CEP112: variants seen among roughly 807,000 people sequenced by gnomAD.
CEP112 encodes the protein centrosomal protein of 112 kDa.
In CEP112, 127 loss-of-function variants were observed where a neutral mutation model predicts 153.0. The observed-to-expected ratio is 0.83, with a 90% CI of 0.72 to 0.96. The LOEUF is 0.96. Among genes scored for constraint, CEP112 ranks in the 40% least tolerant of loss-of-function variants. The pLI, the probability that CEP112 is intolerant of heterozygous loss-of-function variation, is 0.00. For synonymous variants in CEP112, 358 were observed against 374.4 expected, an observed-to-expected ratio of 0.96 and a Z score of 0.51; for missense variants, 1,089 against 1,101.2, an observed-to-expected ratio of 0.99 and a Z score of 0.16.
chr17:65,798,890 T>G (rs183341159), intron 21 of CEP112, among the ~76,000 whole-genome samples: 15 of 152,260 alleles, frequency 9.9e-5, no homozygotes, highest in African/African-American at 3.4e-4. Flanking sequence ...TGTTCCGGAG[T>G]GCTTTAGTGA....
chr17:65,640,098 A>G (rs1485180205), intron 25 of CEP112, among the ~76,000 whole-genome samples: 2 of 147,500 alleles, frequency 1.4e-5, no homozygotes, highest in Admixed American at 1.3e-4. Flanking sequence ...GTGGCCTCCC[A>G]AAGTGCTGGG....
intron 17 of CEP112, among the ~76,000 whole-genome samples, chr17:65,986,660 T>G (rs2063418894): frequency 6.6e-6 from 1 of 152,124 alleles, no homozygotes; most frequent in Admixed American, 6.5e-5. Flanking sequence ...CAAAACATAC[T>G]GAGAACTATA....
chr17:65,701,165 T>C (rs2048612537), intron 23 of CEP112, among the ~76,000 whole-genome samples: 1 of 151,722 alleles, frequency 6.6e-6, no homozygotes, highest in Non-Finnish European at 1.5e-5. Flanking sequence ...TGGCGAGAAA[T>C]GATGGGCCCG....
chr17:65,680,570 A>G (rs2047469164), intron 24 of CEP112, among the ~76,000 whole-genome samples: 1 of 152,136 alleles, frequency 6.6e-6, no homozygotes, highest in Non-Finnish European at 1.5e-5. Flanking sequence ...ACGCTGGGAT[A>G]CAAGGATAAA....
intron 23 of CEP112, among the ~76,000 whole-genome samples, chr17:65,693,533 G>A (rs746840469): frequency 6.6e-6 from 1 of 151,960 alleles, no homozygotes; most frequent in African/African-American, 2.4e-5. Flanking sequence ...ATATGGAGAA[G>A]GGGATGGGTG....
chr17:65,996,112 C>A (rs551961755), intron 17 of CEP112, among the ~76,000 whole-genome samples: 1 of 146,448 alleles, frequency 6.8e-6, no homozygotes, highest in East Asian at 2.0e-4. Flanking sequence ...AAATCCTACA[C>A]CATGGGGAAA....
intron 21 of CEP112, among the ~76,000 whole-genome samples, chr17:65,848,945 T>G (rs925638357): frequency 5.3e-5 from 8 of 152,302 alleles, no homozygotes; most frequent in Admixed American, 2.6e-4. Context: ...CCTTGTTACC[T>G]CCTGCTGCTG....
intron 17 of CEP112, among the ~76,000 whole-genome samples, chr17:65,983,701 G>C (rs1044323912): frequency 6.6e-6 from 1 of 152,090 alleles, no homozygotes. Context: ...AGCAGATGTT[G>C]GCACCAAGCT....
intron 18 of CEP112, among the ~76,000 whole-genome samples, chr17:65,932,690 G>C (rs531188719): frequency 6.6e-6 from 1 of 152,146 alleles, no homozygotes; most frequent in African/African-American, 2.4e-5. Context: ...AGGAGCAAGA[G>C]AGAGTGAGGG....
chr17:65,660,485 TC>T (rs2046330063), intron 24 of CEP112, among the ~76,000 whole-genome samples: 2 of 108,258 alleles, frequency 1.8e-5, no homozygotes, highest in African/African-American at 5.1e-5. Flanking sequence ...CTTCCTTCCT[TC>T]CTTCCTTCCT....
chr17:65,846,125 T>A (rs2057716623), intron 21 of CEP112, among the ~76,000 whole-genome samples: 1 of 152,196 alleles, frequency 6.6e-6, no homozygotes, highest in Non-Finnish European at 1.5e-5. Context: ...TCTGAATTCT[T>A]GACTGGGTTT....
In CEP112 at chr17:65,913,673, C is replaced by T. The variant is rs914379966; in HGVS notation, c.1981-11339G>A. ...GTGATAACCGCTGTTAGAGATGGTA[C>T]CAGGGCCTGCCAGCATACACTGCTT... On this transcript the variant is annotated intron_variant, in intron 19 of 26. Transcript: ENST00000535342. The T allele has an allele frequency of 4.1e-6, 4 of 985,242 alleles. No homozygotes were observed. In the African/African-American group the frequency reaches 7.0e-5, roughly 17 times the overall value. 61.0% of individuals were successfully genotyped at this position (985,242 alleles called of 1,614,324 possible). A position where few individuals can be genotyped will look rare whatever the true frequency, so the allele number is the denominator to read the frequency against.
Position 65,713,880 on chromosome 17 carries a change from G to A in CEP112, c.2608-24662C>T, listed in dbSNP as rs912859394. On this transcript the variant is annotated intron_variant, in intron 23 of 26. Transcript: ENST00000535342. ...TGGGATTACAGGAGTGAGTCACCACGCCCAGCCGTCGATTGACTTTCCTTC... is the reference window on the plus strand; with the variant it reads ...TGGGATTACAGGAGTGAGTCACCACACCCAGCCGTCGATTGACTTTCCTTC... Among the ~76,000 whole-genome samples, 93 of 152,174 alleles carry A rather than the reference G, an allele frequency of 6.1e-4. 1 individual carries two copies. The highest frequency in any genetic ancestry group is 2.1e-3 in the African/African-American group (88 of 41,508).
intron 24 of CEP112, among the ~76,000 whole-genome samples, chr17:65,670,468 A>G (rs570393407): frequency 1.1e-3 from 174 of 152,202 alleles, no homozygotes; most frequent in African/African-American, 4.1e-3. Flanking sequence ...TTTGTCCCCT[A>G]TTTAAAAACT....
At position 66,076,918 on chromosome 17, in the gene CEP112, T is replaced by A. The variant is rs186083883; in HGVS notation, c.769-6917A>T. On this transcript the variant is annotated intron_variant, in intron 8 of 26. Coordinates refer to ENST00000535342, the MANE Select transcript of CEP112 (RefSeq NM_001199165.4). Reference sequence around the variant, plus strand: ...CCCCCAGTACCAGCCCGGAGCCAGGTAGACTCGCTGGGTGGCTAGACCCAG... The same window carrying A: ...CCCCCAGTACCAGCCCGGAGCCAGGAAGACTCGCTGGGTGGCTAGACCCAG... Among the ~76,000 whole-genome samples, 390 of 152,192 alleles carry A rather than the reference T, an allele frequency of 2.6e-3. 3 individuals are homozygous for A. Among genetic ancestry groups the A allele is most frequent in the Non-Finnish European group, 1.4e-3 (98 of 68,006 alleles).
chr17:65,918,715 A>G (rs1280574111), intron 19 of CEP112, among the ~76,000 whole-genome samples: 3 of 152,182 alleles, frequency 2.0e-5, no homozygotes, highest in Non-Finnish European at 4.4e-5. Flanking sequence ...TTTTTGTTCC[A>G]ATGGGTTATA....
chr17:65,992,928 T>G (rs1425895693), intron 17 of CEP112, among the ~76,000 whole-genome samples: 1 of 102,892 alleles, frequency 9.7e-6, no homozygotes, highest in Non-Finnish European at 2.1e-5. Context: ...TGTATTCTTT[T>G]TTGTTTTTTA....
At chr17:65,642,369 GA>G (rs1321054894) in intron 24 of CEP112, among the ~76,000 whole-genome samples, 1 of 152,106 alleles carries the variant, frequency 6.6e-6, no homozygotes, top group African/African-American at 2.4e-5. Flanking sequence ...ATTTGCTGAA[GA>G]CAATTTAAAA....
chr17:65,708,931 T>C (rs2049042192), intron 23 of CEP112, among the ~76,000 whole-genome samples: 1 of 152,186 alleles, frequency 6.6e-6, no homozygotes, highest in South Asian at 2.1e-4. Flanking sequence ...GGACTGGATG[T>C]GTAGGTGTCT....
Sources: gnomAD v4.1 joint callset for allele counts (sites outside exome capture counted in the v4.1 genomes callset) on GRCh38, gnomAD v4.1.1 for gene constraint, MANE v1.5 for transcripts, NCBI Gene and HGNC (gene_info 2026-07-23, HGNC 2026-07-21) for gene names.